Variants in PCDHA7 observed in about 807,000 individuals in gnomAD.
The protein encoded by PCDHA7 is protocadherin alpha 7, also known as protocadherin alpha-7.
PCDHA7 carries 37 observed loss-of-function variants against 57.2 expected under a neutral mutation model. That is an observed-to-expected ratio of 0.65 (90% CI 0.50 to 0.85). The LOEUF (loss-of-function observed/expected upper bound fraction) is 0.85. Among genes scored for constraint, PCDHA7 ranks in the 40% least tolerant of loss-of-function variants. PCDHA7 has a pLI of 0.00. For synonymous variants in PCDHA7, 553 were observed against 558.8 expected, an observed-to-expected ratio of 0.99 and a Z score of 0.15; for missense variants, 1,188 against 1,241.8, an observed-to-expected ratio of 0.96 and a Z score of 0.65.
In PCDHA7 at chr5:140,883,730, G is replaced by A. The variant is rs140457638; in HGVS notation, c.2355+46992G>A. On this transcript the variant is annotated intron_variant, in intron 1 of 3. Transcript: ENST00000525929. ...TCAGGACGCGGACGCACAGGAGAAC[G>A]CGCTGGTCTCCTACTCGCTGGTGGA... The A allele has an allele frequency of 3.7e-6, 6 of 1,613,412 alleles. No individual in the cohort carries two copies. In the African/African-American group the frequency reaches 6.7e-5, roughly 18 times the overall value.
intron 3 of PCDHA7, among the ~76,000 whole-genome samples, chr5:141,005,884 T>A (rs1554260408): frequency 6.6e-6 from 1 of 151,744 alleles, no homozygotes; most frequent in Non-Finnish European, 1.5e-5. Context: ...GAGTTTGAGG[T>A]TACATCAAGC....
chr5:140,862,757 GC>G (rs1554156930), intron 1 of PCDHA7: 4 of 579,248 alleles, frequency 6.9e-6, no homozygotes, highest in African/African-American at 1.9e-5. Flanking sequence ...GCGGAGAGCG[GC>G]AAGAGGTACG....
intron 1 of PCDHA7, among the ~76,000 whole-genome samples, chr5:140,971,377 T>C (rs2096474353): frequency 6.6e-6 from 1 of 152,210 alleles, no homozygotes; most frequent in African/African-American, 2.4e-5. Flanking sequence ...AGTGCATGAC[T>C]TTAATAAAGG....
chr5:140,869,229 C>G, intron 1 of PCDHA7: 1 of 1,613,752 alleles, frequency 6.2e-7, no homozygotes, highest in Non-Finnish European at 8.5e-7. Context: ...CCAAACACGG[C>G]ACCTTCGTGG....
intron 1 of PCDHA7, chr5:140,859,474 T>TA: frequency 4.8e-6 from 1 of 210,386 alleles, no homozygotes; most frequent in Non-Finnish European, 9.2e-6. Context: ...CTATCAATTG[T>TA]GTTTTCCTGA....
intron 2 of PCDHA7, 36 bp downstream of exon 2, chr5:140,979,043 C>G: frequency 6.2e-7 from 1 of 1,612,500 alleles, no homozygotes. Context: ...CAGAAGTAAC[C>G]TTAACTTGGT....
intron 1 of PCDHA7, among the ~76,000 whole-genome samples, chr5:140,970,865 T>C (rs1255232385): frequency 6.6e-6 from 1 of 152,180 alleles, no homozygotes; most frequent in Non-Finnish European, 1.5e-5. Context: ...CCATTCCTGA[T>C]TGAGAGTAGA....
intron 1 of PCDHA7, among the ~76,000 whole-genome samples, chr5:140,903,475 A>C (rs1186809574): frequency 6.6e-6 from 1 of 152,220 alleles, no homozygotes; most frequent in African/African-American, 2.4e-5. Flanking sequence ...TATTCCTTGC[A>C]TTATAGTTCT....
chr5:140,897,368 GTTCCC>G (rs533733561), intron 1 of PCDHA7, among the ~76,000 whole-genome samples: 1,322 of 125,926 alleles, frequency 0.01, 14 homozygotes, highest in African/African-American at 0.03. Flanking sequence ...AGAGTGTGAT[GTTCCC>G]TTCCCCTTCC....
At position 140,978,454 on chromosome 5, in the gene PCDHA7, C is replaced by T. The variant is rs980177257; in HGVS notation, c.2356-495C>T. Among the ~76,000 whole-genome samples, 5 of 152,314 alleles carry T rather than the reference C, an allele frequency of 3.3e-5. No individual in the cohort carries two copies. The South Asian group carries it at 8.3e-4, about 25-fold the overall frequency. ...TGCTGGTGTTATGACTGGGCACATC[C>T]GCCCTGGGTCAAATATGCTGCAGTC... On this transcript the variant is annotated intron_variant, in intron 1 of 3. Coordinates refer to ENST00000525929, the MANE Select transcript of PCDHA7 (RefSeq NM_018910.3).
chr5:140,854,977 TAA>T (rs1490138607), intron 1 of PCDHA7, among the ~76,000 whole-genome samples: 1 of 149,962 alleles, frequency 6.7e-6, no homozygotes, highest in Non-Finnish European at 1.5e-5. Flanking sequence ...GAATTATAAT[TAA>T]GATTCTTTTT....
intron 1 of PCDHA7, chr5:140,855,790 T>G: frequency 2.3e-6 from 1 of 441,252 alleles, no homozygotes; most frequent in East Asian, 3.4e-5. Context: ...AAAAAAGAAT[T>G]AACATATGAA....
intron 1 of PCDHA7, among the ~76,000 whole-genome samples, chr5:140,952,031 A>G (rs782611414): frequency 1.6e-4 from 24 of 152,232 alleles, no homozygotes; most frequent in Admixed American, 4.6e-4. Context: ...TCCGAAATCC[A>G]GTAGGGCAGT....
In PCDHA7 at chr5:141,010,551, C is replaced by T. The variant is rs2098417607; in HGVS notation, c.*614C>T. ...AGCCACCCTCTAGGAGACAAAACTA[C>T]CCCCACTGACAAGGCTTTAGGAGAC... On this transcript the variant is annotated 3_prime_UTR_variant, in exon 4 of 4. Coordinates refer to ENST00000525929, the MANE Select transcript of PCDHA7 (RefSeq NM_018910.3). The T allele has an allele frequency of 9.3e-6, 3 of 323,786 alleles. No homozygotes were observed. Among genetic ancestry groups the T allele is most frequent in the African/African-American group, 2.1e-5 (1 of 47,406 alleles). The allele number at this position is 323,786 out of a possible 1,614,324, so 20.1% of individuals were successfully genotyped here.
At chr5:140,857,708 G>C (rs1554150547) in intron 1 of PCDHA7, 8 of 1,597,392 alleles carry the variant, frequency 5.0e-6, no homozygotes, top group Non-Finnish European at 6.0e-6. Flanking sequence ...GCAGGTGTTC[G>C]TGCTGGACGA....
intron 1 of PCDHA7, among the ~76,000 whole-genome samples, chr5:140,925,065 G>C (rs782540022): frequency 2.0e-5 from 3 of 151,188 alleles, no homozygotes; most frequent in Non-Finnish European, 4.4e-5. Flanking sequence ...GGGCAACAAA[G>C]CAACACGCTC....
chr5:140,911,134 C>T (rs2075341856), intron 1 of PCDHA7, among the ~76,000 whole-genome samples: 1 of 152,108 alleles, frequency 6.6e-6, no homozygotes. Context: ...TCAGGCAGTG[C>T]AGGGTTTTTC....
chr5:141,007,325 C>T (rs1303133451), intron 3 of PCDHA7, among the ~76,000 whole-genome samples: 1 of 145,322 alleles, frequency 6.9e-6, no homozygotes, highest in Non-Finnish European at 1.5e-5. Flanking sequence ...CTAAAGTGGA[C>T]AGATTGCCTG....
chr5:140,838,509 T>C (rs1297577022), intron 1 of PCDHA7, among the ~76,000 whole-genome samples: 1 of 151,988 alleles, frequency 6.6e-6, no homozygotes, highest in Non-Finnish European at 1.5e-5. Context: ...TTTTTAAAAG[T>C]ATTTGCATCT....
Sources: allele counts gnomAD v4.1 joint callset (sites outside exome capture counted in the v4.1 genomes callset), GRCh38; gene constraint gnomAD v4.1.1; transcripts MANE v1.5; gene names NCBI Gene and HGNC (gene_info 2026-07-23, HGNC 2026-07-21).